TMPRSS15: variants seen among roughly 807,000 people sequenced by gnomAD.
The protein encoded by TMPRSS15 is transmembrane serine protease 15, also known as enteropeptidase.
TMPRSS15 carries 128 observed loss-of-function variants against 125.3 expected under a neutral mutation model. The observed-to-expected ratio is 1.02, with a 90% CI of 0.89 to 1.18. TMPRSS15 has a LOEUF of 1.18. TMPRSS15 is among the 50% of genes most tolerant of loss of function. TMPRSS15 has a pLI of 0.00. For missense variants in TMPRSS15, 1,283 were observed against 1,212.7 expected, an observed-to-expected ratio of 1.06 and a Z score of -0.86; for synonymous variants, 446 against 423.2, an observed-to-expected ratio of 1.05 and a Z score of -0.66.
chr21:18,286,745 C>T (rs1272147238), intron 21 of TMPRSS15, among the ~76,000 whole-genome samples: 1 of 152,186 alleles, frequency 6.6e-6, no homozygotes, highest in Non-Finnish European at 1.5e-5. Flanking sequence ...ACTCTTTGGT[C>T]CTCCACATGG....
chr21:18,466,573 AAAC>A (rs1978666046), intron 1 of TMPRSS15, among the ~76,000 whole-genome samples: 1 of 152,142 alleles, frequency 6.6e-6, no homozygotes, highest in African/African-American at 2.4e-5. Context: ...TACAAGAAAA[AAAC>A]AACCCCATCA....
At chr21:18,358,303 T>C (rs929197937) in intron 8 of TMPRSS15, among the ~76,000 whole-genome samples, 3 of 151,812 alleles carry the variant, frequency 2.0e-5, no homozygotes, top group Admixed American at 6.6e-5. Flanking sequence ...ACCTACATAA[T>C]TGGTTTGGAA....
intron 3 of TMPRSS15, among the ~76,000 whole-genome samples, chr21:18,391,001 A>G (rs1032917397): frequency 2.6e-5 from 4 of 152,152 alleles, no homozygotes; most frequent in African/African-American, 9.7e-5. Context: ...ATCAGATCTC[A>G]TAAGAACTCA....
rs758701791 is a variant in TMPRSS15, at chr21:18,344,073, C to CA, written c.1172-14dup. 3.0e-5 allele frequency: 48 copies of CA among 1,600,364 alleles called. No homozygotes were observed. Among genetic ancestry groups the CA allele is most frequent in the East Asian group, 1.1e-4 (5 of 44,824 alleles). On this transcript the variant is annotated splice_polypyrimidine_tract_variant and intron_variant, in intron 10 of 24. Transcript: ENST00000284885. ...GAAATGTAAAATCCTGTAAAAATAT[C>CA]AAAAAAAATTTATTTCACTTAAATA...
Position 18,311,608 on chromosome 21 carries a change from A to C in TMPRSS15, c.2165+1337T>G, listed in dbSNP as rs557008271. ...GTAAGGGATACTGGTGAAGACATGGAGGAAGAAGAACACCCATAGACTGTT... is the reference window on the plus strand; with the variant it reads ...GTAAGGGATACTGGTGAAGACATGGCGGAAGAAGAACACCCATAGACTGTT... On this transcript the variant is annotated intron_variant, in intron 18 of 24. Transcript: ENST00000284885. 8.5e-5 allele frequency among the ~76,000 whole-genome samples: 13 copies of C among 152,280 alleles called. No individual in the cohort carries two copies. In the South Asian group the frequency reaches 2.3e-3, roughly 27 times the overall value.
rs1217896753 is a variant in TMPRSS15, at chr21:18,341,404, GT to G, written c.1564+8del. 1 of 1,613,998 alleles carries G rather than the reference GT, an allele frequency of 6.2e-7. No homozygotes were observed. Among genetic ancestry groups the G allele is most frequent in the Non-Finnish European group, 8.5e-7 (1 of 1,179,968 alleles). ...TTAATAAGACAAAATACACATGAAGGTTACTTACTAGGAAGTTCTGGTGGAG... is the reference window on the plus strand; with the variant it reads ...TTAATAAGACAAAATACACATGAAGGTACTTACTAGGAAGTTCTGGTGGAG... On this transcript the variant is annotated splice_region_variant and intron_variant, in intron 13 of 24. Transcript: ENST00000284885.
chr21:18,397,170 C>T (rs2076048626), intron 3 of TMPRSS15, among the ~76,000 whole-genome samples: 1 of 151,772 alleles, frequency 6.6e-6, no homozygotes. Context: ...TATCTCTATT[C>T]CAAAAGCCCT....
At chr21:18,337,063 T>C (rs1370006462) in intron 13 of TMPRSS15, among the ~76,000 whole-genome samples, 1 of 152,230 alleles carries the variant, frequency 6.6e-6, no homozygotes, top group Non-Finnish European at 1.5e-5. Context: ...CTTTTTTTTC[T>C]TTCTTTTCCC....
chr21:18,325,195 T>C lies in TMPRSS15; in HGVS notation c.1921+1237A>G, dbSNP rs74672734. Among the ~76,000 whole-genome samples the C allele has an allele frequency of 3.4e-3, 516 of 152,226 alleles. 23 individuals carry two copies. In the East Asian group the frequency reaches 0.092, roughly 27 times the overall value. ...TGTATTTCTTCTTTTTAGTGTACTC[T>C]AAGATAAATTATAATTTTGTGTAGA... On this transcript the variant is annotated intron_variant, in intron 16 of 24. Transcript: ENST00000284885.
Position 18,329,364 on chromosome 21 carries a change from G to C in TMPRSS15, c.1655-70C>G, listed in dbSNP as rs374177444. 2.5e-4 allele frequency: 366 copies of C among 1,461,758 alleles called. 3 individuals carry two copies. In the East Asian group the frequency reaches 6.0e-3, roughly 24 times the overall value. 90.5% of individuals were successfully genotyped at this position (1,461,758 alleles called of 1,614,324 possible). ...TTTCTCTTAAAAGCTTCACTCTCTT[G>C]AGAATTTCAAATAACTTAAAAAAAA... On this transcript the variant is annotated intron_variant, in intron 14 of 24. Transcript: ENST00000284885.
At chr21:18,424,977 TATA>T (rs1017049762) in intron 1 of TMPRSS15, among the ~76,000 whole-genome samples, 27 of 149,924 alleles carry the variant, frequency 1.8e-4, no homozygotes, top group Admixed American at 6.7e-4. Context: ...ATACATATGA[TATA>T]ATAATTTTAT....
At chr21:18,341,646 G>T (rs573932539) in intron 12 of TMPRSS15, 98 bp from the exon 13 acceptor site, 14 of 1,278,218 alleles carry the variant, frequency 1.1e-5, no homozygotes, top group Middle Eastern at 2.2e-4. Flanking sequence ...ATTGTCTAGA[G>T]ATTCAATATT....
Position 18,269,911 on chromosome 21 carries a change from G to T in TMPRSS15, c.*58C>A. 1 of 1,595,258 alleles carries T rather than the reference G, an allele frequency of 6.3e-7. No homozygotes were observed. Among genetic ancestry groups the T allele is most frequent in the Non-Finnish European group, 8.6e-7 (1 of 1,166,608 alleles). On this transcript the variant is annotated 3_prime_UTR_variant, in exon 25 of 25. Transcript: ENST00000284885. ...TTTGTACGAAACACTTAATTTCCAT[G>T]CTTTCTAGAGTAGAATGGGAAAATA...
intron 1 of TMPRSS15, among the ~76,000 whole-genome samples, chr21:18,485,466 T>C (rs1049788618): frequency 4.6e-5 from 7 of 152,052 alleles, no homozygotes; most frequent in Non-Finnish European, 1.0e-4. Flanking sequence ...GATAGCTTTT[T>C]ATCAGGTTAG....
Position 18,302,357 on chromosome 21 carries a change from G to A in TMPRSS15, c.2166-4528C>T, listed in dbSNP as rs188827306. On this transcript the variant is annotated intron_variant, in intron 18 of 24. Transcript: ENST00000284885. ...ACAGGCAGAGGCTTGGTGGATAGAA[G>A]AGATTCGATGGCAAATCATCCCACT... is the stretch of plus-strand genomic sequence containing the variant. 1.8e-3 allele frequency among the ~76,000 whole-genome samples: 281 copies of A among 152,226 alleles called. 3 individuals carry two copies. The highest frequency in any genetic ancestry group is 1.3e-4 in the Non-Finnish European group (9 of 68,010).
At chr21:18,404,480 T>C (rs756055862), upstream of TMPRSS15, among the ~76,000 whole-genome samples, 2 of 152,218 alleles carry the variant, frequency 1.3e-5, no homozygotes, top group Non-Finnish European at 2.9e-5. Flanking sequence ...CAGGTTAAGA[T>C]AATCATAGTT....
At chr21:18,308,787 T>C (rs911160834) in intron 18 of TMPRSS15, among the ~76,000 whole-genome samples, 1 of 152,108 alleles carries the variant, frequency 6.6e-6, no homozygotes, top group Non-Finnish European at 1.5e-5. Context: ...TTCCCCTCCT[T>C]GTGTCCATGT....
intron 5 of TMPRSS15, among the ~76,000 whole-genome samples, chr21:18,377,032 C>A (rs1238838980): frequency 6.6e-6 from 1 of 152,076 alleles, no homozygotes; most frequent in Admixed American, 6.6e-5. Flanking sequence ...TTGGAAAATG[C>A]AGTTTTCATG....
chr21:18,279,053 A>G lies in TMPRSS15; in HGVS notation c.2675T>C (p.Ile892Thr). Reference sequence around the variant, plus strand: ...TTCTTCCGGTAAACAAATAGGTTGTATGTAATCTGGAAAAACAAGCAAACA... The same window carrying G: ...TTCTTCCGGTAAACAAATAGGTTGTGTGTAATCTGGAAAAACAAGCAAACA... ...LEFKVNYTDY[I>T]QPICLPEENQ... Residue 892 changes from isoleucine to threonine, a missense_variant, in exon 23 of 25, where the codon ATA becomes ACA. Coordinates refer to ENST00000284885, the MANE Select transcript of TMPRSS15 (RefSeq NM_002772.3). 1 of 1,550,410 alleles carries G rather than the reference A, an allele frequency of 6.4e-7. No homozygotes were observed. The highest frequency in any genetic ancestry group is 8.9e-7 in the Non-Finnish European group (1 of 1,129,034).
Sources: gnomAD v4.1 joint callset for allele counts (sites outside exome capture counted in the v4.1 genomes callset) on GRCh38, gnomAD v4.1.1 for gene constraint, MANE v1.5 for transcripts, NCBI Gene and HGNC (gene_info 2026-07-23, HGNC 2026-07-21) for gene names.